CCSER1: variants seen among roughly 807,000 people sequenced by gnomAD.
CCSER1 encodes coiled-coil serine rich protein 1.
A neutral mutation model predicts 82.0 loss-of-function variants in CCSER1; 41 were observed. That is an observed-to-expected ratio of 0.50 (90% CI 0.39 to 0.65). CCSER1 has a LOEUF of 0.65. Ranked by LOEUF, CCSER1 falls within the 30% of genes least tolerant of loss-of-function variation. The pLI, the probability that CCSER1 is intolerant of heterozygous loss-of-function variation, is 0.00. For synonymous variants in CCSER1, 414 were observed against 383.9 expected (o/e 1.08, Z -0.92); for missense variants, 1,119 against 1,064.2 (o/e 1.05, Z -0.72).
intron 9 of CCSER1, among the ~76,000 whole-genome samples, chr4:90,991,900 G>A (rs1257493428): frequency 6.6e-6 from 1 of 151,976 alleles, no homozygotes; most frequent in East Asian, 1.9e-4. Context: ...GGCTTTGGAT[G>A]TTACTACCAT....
At chr4:90,939,476 G>A (rs989061423) in intron 9 of CCSER1, among the ~76,000 whole-genome samples, 7 of 152,102 alleles carry the variant, frequency 4.6e-5, no homozygotes, top group African/African-American at 1.4e-4. Flanking sequence ...CAAGTGACCC[G>A]GTGGCTACAA....
chr4:90,964,546 G>A (rs1381259658), intron 9 of CCSER1, among the ~76,000 whole-genome samples: 1 of 151,378 alleles, frequency 6.6e-6, no homozygotes, highest in Non-Finnish European at 1.5e-5. Flanking sequence ...TAACATGGTG[G>A]AACCCGTCTC....
At chr4:91,362,928 C>T (rs1276932737) in intron 10 of CCSER1, among the ~76,000 whole-genome samples, 1 of 151,724 alleles carries the variant, frequency 6.6e-6, no homozygotes, top group Non-Finnish European at 1.5e-5. Flanking sequence ...TCCTTGAATA[C>T]AGGGTGAACT....
chr4:91,090,673 T>G (rs2148825424), intron 10 of CCSER1, among the ~76,000 whole-genome samples: 1 of 152,290 alleles, frequency 6.6e-6, no homozygotes, highest in South Asian at 2.1e-4. Flanking sequence ...CTGTTACAGT[T>G]CCTCCACAAA....
At chr4:90,660,412 A>G (rs1378865863) in intron 6 of CCSER1, among the ~76,000 whole-genome samples, 1 of 152,122 alleles carries the variant, frequency 6.6e-6, no homozygotes, top group Admixed American at 6.5e-5. Flanking sequence ...CATTATCCTT[A>G]ATGAAACAAC....
At chr4:90,338,697 A>C (rs1295791779) in intron 3 of CCSER1, among the ~76,000 whole-genome samples, 2 of 151,210 alleles carry the variant, frequency 1.3e-5, no homozygotes, top group African/African-American at 2.5e-5. Context: ...TATTTTAATC[A>C]GACGTACTCG....
intron 1 of CCSER1, among the ~76,000 whole-genome samples, chr4:90,230,906 C>T (rs979410359): frequency 1.4e-4 from 22 of 152,254 alleles, no homozygotes; most frequent in Admixed American, 1.2e-3. Flanking sequence ...CATACACTCT[C>T]CCAAGACTAA....
intron 3 of CCSER1, among the ~76,000 whole-genome samples, chr4:90,336,545 G>C (rs1740432880): frequency 6.6e-6 from 1 of 152,066 alleles, no homozygotes; most frequent in Non-Finnish European, 1.5e-5. Context: ...AGTAAGAACA[G>C]GCTGTTAAAG....
intron 9 of CCSER1, among the ~76,000 whole-genome samples, chr4:90,988,141 A>G (rs923415277): frequency 9.9e-5 from 15 of 151,490 alleles, no homozygotes; most frequent in Admixed American, 7.9e-4. Context: ...ACATAATGAG[A>G]CACCATCTCT....
chr4:91,564,655 T>C (rs1762799589), intron 10 of CCSER1, among the ~76,000 whole-genome samples: 1 of 151,990 alleles, frequency 6.6e-6, no homozygotes. Context: ...CTACTGAGCT[T>C]TTTTTTAATG....
chr4:91,050,091 T>C (rs1742861641), intron 9 of CCSER1, among the ~76,000 whole-genome samples: 1 of 152,218 alleles, frequency 6.6e-6, no homozygotes, highest in South Asian at 2.1e-4. Flanking sequence ...CATTTGTGAA[T>C]AAATATACAT....
intron 10 of CCSER1, chr4:91,325,044 A>G: frequency 2.6e-6 from 1 of 387,646 alleles, no homozygotes; most frequent in Admixed American, 3.4e-5. Context: ...GCAAAAGGCC[A>G]TCGGACCTGT....
intron 3 of CCSER1, among the ~76,000 whole-genome samples, chr4:90,342,817 C>T (rs992902903): frequency 6.6e-6 from 1 of 151,998 alleles, no homozygotes; most frequent in South Asian, 2.1e-4. Context: ...TCCTCTTTCT[C>T]TTCTCTGTCA....
At chr4:90,208,351 C>T (rs1347011874) in intron 1 of CCSER1, among the ~76,000 whole-genome samples, 1 of 152,162 alleles carries the variant, frequency 6.6e-6, no homozygotes, top group African/African-American at 2.4e-5. Flanking sequence ...ATGCCCCTCC[C>T]CCAACCAAGC....
chr4:91,158,618 T>A (rs1232880949), intron 10 of CCSER1, among the ~76,000 whole-genome samples: 1 of 137,556 alleles, frequency 7.3e-6, no homozygotes, highest in Non-Finnish European at 1.5e-5. Flanking sequence ...CTCCCTCTCT[T>A]TCTGTGTGTG....
chr4:91,566,305 A>C lies in CCSER1; in HGVS notation c.2218-32267A>C, dbSNP rs147907442. On this transcript the variant is annotated intron_variant, in intron 10 of 10. Transcript: ENST00000509176. ...GATTTGATTTGCAAGTATTTTGATA[A>C]GGATTTTGCATTGATGTTGATCCAG... Among the ~76,000 whole-genome samples the C allele has an allele frequency of 2.7e-3, 411 of 152,202 alleles. 1 individual carries two copies. The highest frequency in any genetic ancestry group is 9.4e-3 in the African/African-American group (391 of 41,554).
At chr4:90,578,219 A>C (rs564532004) in intron 5 of CCSER1, among the ~76,000 whole-genome samples, 1 of 152,326 alleles carries the variant, frequency 6.6e-6, no homozygotes, top group Admixed American at 6.5e-5. Flanking sequence ...TTAATGGGTT[A>C]AAACAATGCA....
intron 10 of CCSER1, among the ~76,000 whole-genome samples, chr4:91,303,312 A>G (rs1744808186): frequency 6.6e-6 from 1 of 152,046 alleles, no homozygotes; most frequent in Admixed American, 6.6e-5. Flanking sequence ...ATCTTATATT[A>G]AAGAATTTTC....
intron 10 of CCSER1, among the ~76,000 whole-genome samples, chr4:91,252,215 A>G (rs113646229): frequency 0.02 from 2,994 of 152,264 alleles, 95 homozygotes; most frequent in African/African-American, 0.066. Flanking sequence ...TTGTCAACAA[A>G]TAATTCTATA....
Sources: gnomAD v4.1 joint callset for allele counts (sites outside exome capture counted in the v4.1 genomes callset) on GRCh38, gnomAD v4.1.1 for gene constraint, MANE v1.5 for transcripts, NCBI Gene and HGNC (gene_info 2026-07-23, HGNC 2026-07-21) for gene names.